The following CRLF3 variants were observed in gnomAD, a reference collection of about 807,000 sequenced individuals.
CRLF3 encodes cytokine receptor like factor 3, also known as cytokine receptor-like factor 3.
CRLF3 carries 33 observed loss-of-function variants against 55.0 expected under a neutral mutation model. The ratio of observed to expected loss-of-function variants is 0.60; its 90% CI spans 0.46 to 0.80. The LOEUF (loss-of-function observed/expected upper bound fraction) is 0.80, where lower values mean the gene tolerates loss of function less well. CRLF3 is among the 30% of genes least tolerant of loss of function. The probability of loss-of-function intolerance (pLI) is 0.00; values close to 1 mark genes in which losing one functional copy is unlikely to be tolerated. For missense variants in CRLF3, 494 were observed against 538.4 expected (o/e 0.92, Z 0.82); for synonymous variants, 238 against 196.8 (o/e 1.21, Z -1.75).
At chr17:30,813,692 TG>T (rs1205286343) in intron 1 of CRLF3, among the ~76,000 whole-genome samples, 4 of 152,064 alleles carry the variant, frequency 2.6e-5, no homozygotes, top group African/African-American at 9.7e-5. Context: ...CATGTTGGTA[TG>T]CTGCCCCTAT....
At position 30,782,704 on chromosome 17, in the gene CRLF3, T is replaced by C. The variant is rs151281892; in HGVS notation, c.*1483A>G. 2.0e-5 allele frequency: 3 copies of C among 152,046 alleles called. No homozygotes were observed. Among genetic ancestry groups the C allele is most frequent in the East Asian group, 1.9e-4 (1 of 5,188 alleles). The allele number at this position is 152,046 out of a possible 1,614,324, so 9.4% of individuals were successfully genotyped here. The stretch of plus-strand genomic sequence containing the variant: ...CACACTGAACTTTTTTAGTTTTTTA[T>C]TTTGATTCCTATGGCTGGACAAGGT... On this transcript the variant is annotated 3_prime_UTR_variant, in exon 8 of 8. Transcript: ENST00000324238.
intron 1 of CRLF3, among the ~76,000 whole-genome samples, chr17:30,811,424 AGCCCAGGT>A (rs1904616590): frequency 6.6e-6 from 1 of 151,976 alleles, no homozygotes; most frequent in Non-Finnish European, 1.5e-5. Context: ...ACTGTACTCC[AGCCCAGGT>A]GAGAGAGCAA....
At chr17:30,805,981 C>G (rs1597926188) in intron 1 of CRLF3, among the ~76,000 whole-genome samples, 1 of 152,226 alleles carries the variant, frequency 6.6e-6, no homozygotes, top group East Asian at 1.9e-4. Context: ...TGTGACTGCA[C>G]CACTGCACTC....
At chr17:30,799,339 T>C (rs2142258751) in intron 2 of CRLF3, among the ~76,000 whole-genome samples, 1 of 152,248 alleles carries the variant, frequency 6.6e-6, no homozygotes, top group East Asian at 1.9e-4. Context: ...TATCAAATGC[T>C]GTAACACTCA....
At chr17:30,802,721 C>A (rs984126159) in intron 2 of CRLF3, among the ~76,000 whole-genome samples, 5 of 152,038 alleles carry the variant, frequency 3.3e-5, no homozygotes, top group Admixed American at 6.6e-5. Context: ...CCACACCTGG[C>A]CCCCTTGTTT....
At chr17:30,796,031 T>C in intron 4 of CRLF3, 129 bp downstream of exon 4, 2 of 527,194 alleles carry the variant, frequency 3.8e-6, no homozygotes, top group Non-Finnish European at 3.3e-6. Flanking sequence ...ATTTTAACTG[T>C]AAAGTAAAAG....
chr17:30,800,422 C>T (rs985423569), intron 2 of CRLF3, among the ~76,000 whole-genome samples: 1 of 152,134 alleles, frequency 6.6e-6, no homozygotes, highest in Admixed American at 6.6e-5. Flanking sequence ...TGCCTAACTA[C>T]GTACTAAGCA....
intron 4 of CRLF3, among the ~76,000 whole-genome samples, chr17:30,795,591 T>C (rs1971902041): frequency 6.6e-6 from 1 of 150,650 alleles, no homozygotes; most frequent in South Asian, 2.1e-4. Flanking sequence ...TCACCTGAGG[T>C]CGGAGGTTGC....
chr17:30,797,518 A>C lies in CRLF3; in HGVS notation c.338-120T>G. On this transcript the variant is annotated intron_variant, in intron 2 of 7. Coordinates refer to ENST00000324238, the MANE Select transcript of CRLF3 (RefSeq NM_015986.4). ...CAAATAAGTTCTTAAGTGATGCCAC[A>C]GTCAAATTCCCAAAAAGTTAAAGTA... 4 of 744,000 alleles carry C rather than the reference A, an allele frequency of 5.4e-6. No individual in the cohort carries two copies. In the South Asian group the frequency reaches 6.3e-5, roughly 12 times the overall value. The allele number at this position is 744,000 out of a possible 1,614,324, so 46.1% of individuals were successfully genotyped here. A position where few individuals can be genotyped will look rare whatever the true frequency, so the allele number is the denominator to read the frequency against.
chr17:30,782,882 CTTTTT>C lies in CRLF3; in HGVS notation c.*1300_*1304del, dbSNP rs1477852388. On this transcript the variant is annotated 3_prime_UTR_variant, in exon 8 of 8. Transcript: ENST00000324238. ...CAAAAATATCATACTTGCTTTTCTACTTTTTTACTATACTGGTAAAAATGAAATGA... is the reference window on the plus strand; with the variant it reads ...CAAAAATATCATACTTGCTTTTCTACTACTATACTGGTAAAAATGAAATGA... The C allele has an allele frequency of 6.7e-6, 1 of 148,706 alleles. No individual in the cohort carries two copies. The highest frequency in any genetic ancestry group is 2.5e-5 in the African/African-American group (1 of 40,346). The allele number at this position is 148,706 out of a possible 1,614,324, so 9.2% of individuals were successfully genotyped here. A position where few individuals can be genotyped will look rare whatever the true frequency, so the allele number is the denominator to read the frequency against.
chr17:30,816,878 T>C (rs541298000), intron 1 of CRLF3, among the ~76,000 whole-genome samples: 1 of 152,268 alleles, frequency 6.6e-6, no homozygotes, highest in African/African-American at 2.4e-5. Flanking sequence ...ACTTGTACCC[T>C]AGGAGCAATA....
chr17:30,790,216 G>A (rs1261145250), intron 6 of CRLF3, among the ~76,000 whole-genome samples: 1 of 152,044 alleles, frequency 6.6e-6, no homozygotes, highest in African/African-American at 2.4e-5. Context: ...AGAACAAAAG[G>A]AACTTGGGTC....
At chr17:30,807,839 C>T (rs1416440793) in intron 1 of CRLF3, among the ~76,000 whole-genome samples, 1 of 152,082 alleles carries the variant, frequency 6.6e-6, no homozygotes, top group Non-Finnish European at 1.5e-5. Flanking sequence ...CTCCATTTGA[C>T]ATTAACGCAG....
At chr17:30,814,829 C>T (rs1283787410) in intron 1 of CRLF3, among the ~76,000 whole-genome samples, 1 of 151,774 alleles carries the variant, frequency 6.6e-6, no homozygotes, top group African/African-American at 2.4e-5. Flanking sequence ...TGGTGAAACC[C>T]CATCTCTACT....
chr17:30,784,601 G>A (rs1347606519), intron 7 of CRLF3, 158 bp from the exon 8 acceptor site: 1 of 633,412 alleles, frequency 1.6e-6, no homozygotes, highest in Non-Finnish European at 2.7e-6. Context: ...GTCCAGGGTT[G>A]TACTCTTCCA....
intron 2 of CRLF3, among the ~76,000 whole-genome samples, chr17:30,802,191 C>T (rs546159431): frequency 2.0e-5 from 3 of 151,748 alleles, no homozygotes; most frequent in African/African-American, 4.8e-5. Context: ...GGTGCAATCT[C>T]GGCTAACTGC....
chr17:30,789,863 A>G (rs1971748945), intron 6 of CRLF3, among the ~76,000 whole-genome samples: 1 of 152,176 alleles, frequency 6.6e-6, no homozygotes, highest in East Asian at 1.9e-4. Flanking sequence ...GCACAGAAAT[A>G]CCTTGTTCTC....
Position 30,784,199 on chromosome 17 carries a change from C to G in CRLF3, c.1317G>C (p.Val439=), listed in dbSNP as rs756560673. 2.5e-6 allele frequency: 4 copies of G among 1,613,552 alleles called. No homozygotes were observed. The East Asian group carries it at 6.7e-5, about 27-fold the overall frequency. The part of the protein sequence containing the change: ...GCSFFYPGWK[V]LVF ...AGCACCCAAACATCTAAAACACTAA[C>G]ACTTTCCATCCAGGATAGAAAAATG... Residue 439 remains valine, a synonymous_variant, in exon 8 of 8, where the codon GTG becomes GTC. Transcript: ENST00000324238.
At chr17:30,812,089 G>A (rs545179434) in intron 1 of CRLF3, among the ~76,000 whole-genome samples, 13 of 151,586 alleles carry the variant, frequency 8.6e-5, no homozygotes, top group African/African-American at 2.7e-4. Flanking sequence ...CAGCCTGGGC[G>A]ACAGAGCGAG....
Sources: gnomAD v4.1 joint callset for allele counts (sites outside exome capture counted in the v4.1 genomes callset) on GRCh38, gnomAD v4.1.1 for gene constraint, MANE v1.5 for transcripts, NCBI Gene and HGNC (gene_info 2026-07-23, HGNC 2026-07-21) for gene names.